The following CDH4 variants were observed in gnomAD, a reference collection of about 807,000 sequenced individuals.
CDH4 encodes cadherin-4.
A neutral mutation model predicts 86.0 loss-of-function variants in CDH4; 33 were observed. That is an observed-to-expected ratio of 0.38 (90% CI 0.29 to 0.51). CDH4 has a LOEUF of 0.51. CDH4 is among the 20% of genes least tolerant of loss of function. The pLI is 0.86. For missense variants in CDH4, 1,114 were observed against 1,307.4 expected, an observed-to-expected ratio of 0.85 and a Z score of 2.28; for synonymous variants, 555 against 549.4, an observed-to-expected ratio of 1.01 and a Z score of -0.14.
intron 2 of CDH4, among the ~76,000 whole-genome samples, chr20:61,489,710 T>C (rs909667701): frequency 3.3e-5 from 5 of 152,226 alleles, no homozygotes; most frequent in Non-Finnish European, 5.9e-5. Context: ...TTCTCAGCAG[T>C]CCTAGGAAGA....
At chr20:61,868,617 C>G (rs1983654955) in intron 6 of CDH4, among the ~76,000 whole-genome samples, 1 of 152,236 alleles carries the variant, frequency 6.6e-6, no homozygotes, top group African/African-American at 2.4e-5. Context: ...CCCCTCCACG[C>G]TGGCTGAGTG....
chr20:61,672,702 C>T (rs1325278732), intron 2 of CDH4, among the ~76,000 whole-genome samples: 1 of 152,156 alleles, frequency 6.6e-6, no homozygotes, highest in Non-Finnish European at 1.5e-5. Context: ...TGGTGCTGAG[C>T]ATCCCTCAGG....
chr20:61,888,185 C>T (rs1351017832), intron 7 of CDH4, among the ~76,000 whole-genome samples: 4 of 152,164 alleles, frequency 2.6e-5, no homozygotes, highest in African/African-American at 7.2e-5. Context: ...CCGCCACTGC[C>T]GGTACACACA....
intron 4 of CDH4, among the ~76,000 whole-genome samples, chr20:61,817,031 C>CA (rs1980754697): frequency 6.6e-6 from 1 of 152,240 alleles, no homozygotes. Flanking sequence ...CATGGAAGAG[C>CA]ATCTGTTTCC....
chr20:61,541,693 AC>A (rs1223070548), intron 2 of CDH4, among the ~76,000 whole-genome samples: 2 of 152,306 alleles, frequency 1.3e-5, no homozygotes, highest in African/African-American at 4.8e-5. Context: ...TTGTGCATAG[AC>A]AGAAATTATG....
chr20:61,771,698 C>T (rs1348120714), intron 3 of CDH4, among the ~76,000 whole-genome samples: 2 of 151,384 alleles, frequency 1.3e-5, no homozygotes, highest in African/African-American at 4.9e-5. Context: ...TCTCCACTTA[C>T]TAATATTTTA....
At chr20:61,766,454 C>T (rs542003868) in intron 3 of CDH4, among the ~76,000 whole-genome samples, 11 of 152,212 alleles carry the variant, frequency 7.2e-5, no homozygotes, top group African/African-American at 1.9e-4. Context: ...AGGAGCTCCA[C>T]CCCCAGCTCT....
At chr20:61,428,430 G>C (rs1330297258) in intron 2 of CDH4, among the ~76,000 whole-genome samples, 1 of 152,192 alleles carries the variant, frequency 6.6e-6, no homozygotes, top group Admixed American at 6.5e-5. Context: ...ACAAACACAA[G>C]AATGTTTACG....
At chr20:61,532,720 A>G (rs773520757) in intron 2 of CDH4, among the ~76,000 whole-genome samples, 19 of 152,142 alleles carry the variant, frequency 1.2e-4, no homozygotes, top group Admixed American at 6.5e-4. Flanking sequence ...CTCTGGGGAG[A>G]CGGGTTCTCT....
intron 4 of CDH4, among the ~76,000 whole-genome samples, chr20:61,841,092 C>T (rs570274770): frequency 1.3e-5 from 2 of 152,374 alleles, no homozygotes; most frequent in South Asian, 4.1e-4. Context: ...CTGCTGCAGA[C>T]CCCGTCCCTG....
At chr20:61,924,552 T>G (rs2055024199) in intron 11 of CDH4, 76 bp downstream of exon 11, 2 of 1,522,356 alleles carry the variant, frequency 1.3e-6, no homozygotes, top group Non-Finnish European at 1.8e-6. Flanking sequence ...GGGAGGGTGC[T>G]GGCCAGGGAG....
intron 2 of CDH4, among the ~76,000 whole-genome samples, chr20:61,303,407 G>A (rs1249494373): frequency 6.6e-6 from 1 of 152,188 alleles, no homozygotes; most frequent in Non-Finnish European, 1.5e-5. Flanking sequence ...GGACAGCAAG[G>A]GGCTCGAGGC....
At chr20:61,748,109 C>T (rs551095593) in intron 3 of CDH4, among the ~76,000 whole-genome samples, 17 of 152,186 alleles carry the variant, frequency 1.1e-4, no homozygotes, top group African/African-American at 3.6e-4. Context: ...GTTGGAAGAC[C>T]GTTCCATTCC....
intron 13 of CDH4, among the ~76,000 whole-genome samples, chr20:61,931,947 C>T (rs752561575): frequency 9.2e-5 from 14 of 152,260 alleles, no homozygotes; most frequent in Non-Finnish European, 1.6e-4. Flanking sequence ...GTGACCCCCT[C>T]GGTACTGGGT....
chr20:61,476,690 C>T (rs138388596), intron 2 of CDH4, among the ~76,000 whole-genome samples: 7 of 152,290 alleles, frequency 4.6e-5, no homozygotes, highest in South Asian at 2.1e-4. Context: ...TTAGGCTGGG[C>T]GAGACCAGCC....
At chr20:61,262,980 A>AGG (rs1197279125) in intron 2 of CDH4, among the ~76,000 whole-genome samples, 3 of 151,762 alleles carry the variant, frequency 2.0e-5, no homozygotes, top group Admixed American at 6.6e-5. Flanking sequence ...AGAGAGAGAG[A>AGG]GAGAGCAAGC....
At chr20:61,749,797 G>C (rs188238296) in intron 3 of CDH4, among the ~76,000 whole-genome samples, 9 of 152,294 alleles carry the variant, frequency 5.9e-5, no homozygotes, top group South Asian at 4.1e-4. Context: ...GTGGTGGCTC[G>C]TGCCTGTAAT....
intron 7 of CDH4, among the ~76,000 whole-genome samples, chr20:61,892,077 G>T (rs755884875): frequency 1.2e-3 from 176 of 152,348 alleles, no homozygotes; most frequent in Non-Finnish European, 2.0e-3. Context: ...TAGATAATGT[G>T]TCAATAAAAG....
At chr20:61,515,581 G>A (rs748486144) in intron 2 of CDH4, among the ~76,000 whole-genome samples, 5 of 152,114 alleles carry the variant, frequency 3.3e-5, no homozygotes, top group Non-Finnish European at 5.9e-5. Flanking sequence ...GGTGGCCTTC[G>A]TAAAGATGTA....
Sources: gnomAD v4.1 joint callset for allele counts (sites outside exome capture counted in the v4.1 genomes callset) on GRCh38, gnomAD v4.1.1 for gene constraint, MANE v1.5 for transcripts, NCBI Gene and HGNC (gene_info 2026-07-23, HGNC 2026-07-21) for gene names.